LAMB2: variants seen among roughly 807,000 people sequenced by gnomAD.
LAMB2 encodes the protein laminin subunit beta-2.
Under a neutral mutation model 202.7 loss-of-function variants are expected in LAMB2, and 119 were observed. The ratio of observed to expected loss-of-function variants is 0.59; its 90% confidence interval spans 0.51 to 0.68. The LOEUF is 0.68. Among genes scored for constraint, LAMB2 ranks in the 30% least tolerant of loss-of-function variants. The pLI is 0.00. For missense variants in LAMB2, 2,124 were observed against 2,410.6 expected, an observed-to-expected ratio of 0.88 and a Z score of 2.49; for synonymous variants, 818 against 902.2, an observed-to-expected ratio of 0.91 and a Z score of 1.67.
rs370034592 is a variant in LAMB2 at position 49,125,242 on chromosome 3, T to C, written c.2720+11A>G. 3.3e-5 allele frequency: 53 copies of C among 1,613,622 alleles called. No individual in the cohort carries two copies. In the African/African-American group the frequency reaches 5.3e-4, roughly 16 times the overall value. On this transcript the variant is annotated intron_variant, in intron 19 of 31. Coordinates refer to ENST00000305544, the MANE Select transcript of LAMB2 (RefSeq NM_002292.4). ...CACCAACCAACCCACTCATAGCTGC[T>C]CCAGTCTCACCTTTCACAGTGCTCA...
At position 49,123,050 on chromosome 3, in the gene LAMB2, C is replaced by G; in HGVS notation, c.4227G>C (p.Val1409=). 1 of 1,607,078 alleles carries G rather than the reference C, an allele frequency of 6.2e-7. No individual in the cohort carries two copies. The highest frequency in any genetic ancestry group is 1.7e-5 in the Admixed American group (1 of 60,030). ...AGGGTGCATCCCCTGGTGCCCCACA[C>G]ACCTGCCAGGCACAGAACAAGTCAG... The part of the protein sequence containing the change: ...TLSLTDINEL[V]CGAPGDAPCA... Residue 1409 remains valine, a splice_region_variant and synonymous_variant, in exon 27 of 32, where the codon GTG becomes GTC. Coordinates refer to ENST00000305544, the MANE Select transcript of LAMB2 (RefSeq NM_002292.4).
At position 49,122,880 on chromosome 3, in the gene LAMB2, G is replaced by T; in HGVS notation, c.4397C>A (p.Ala1466Glu). 2 of 1,610,490 alleles carry T rather than the reference G, an allele frequency of 1.2e-6. No homozygotes were observed. The change falls in exon 27 of 32, where the codon GCA (alanine) becomes GAA (glutamate). Residue 1466 changes from alanine (A) to glutamate (E), a missense_variant. This residue lies in a region of LAMB2 where 1,702 missense variants were observed against 1,896.3 expected (regional missense o/e 0.90). Coordinates refer to ENST00000305544, the MANE Select transcript of LAMB2 (RefSeq NM_002292.4). ...GAGGATGCTACCACCTTCTGCCAGTGCCCGCTGCAGCTCTGCCTGTGTGTG... is the reference window on the plus strand; with the variant it reads ...GAGGATGCTACCACCTTCTGCCAGTTCCCGCTGCAGCTCTGCCTGTGTGTG... ...ARHTQAELQR[A>E]LAEGGSILSR...
chr3:49,132,329 T>C lies in LAMB2; in HGVS notation c.326A>G (p.Gln109Arg), dbSNP rs1426807512. The C allele has an allele frequency of 3.1e-6, 5 of 1,614,244 alleles. No homozygotes were observed. The highest frequency in any genetic ancestry group is 4.2e-6 in the Non-Finnish European group (5 of 1,180,046). ...ARDNPHSHRIQNVVTSFAPQR... is the reference protein window; with the variant it reads ...ARDNPHSHRIRNVVTSFAPQR... ...TGGTGCAAAGCTGGTGACTACATTC[T>C]GGATGCGATGGCTGTGTGGGTTGTC... The change falls in exon 3 of 32, where the codon CAG becomes CGG. Residue 109 changes from glutamine (Q) to arginine (R), a missense_variant. Physicochemically the swap from Gln to Arg is conservative, Grantham distance 43 (BLOSUM62 1). This residue lies in a region of LAMB2 where 166 missense variants were observed against 158.2 expected (regional missense o/e 1.05). Coordinates refer to ENST00000305544, the MANE Select transcript of LAMB2 (RefSeq NM_002292.4). The surrounding 1 kb of genome is among the most constrained non-coding windows in gnomAD (Gnocchi z 4.6).
intron 18 of LAMB2, 108 bp downstream of exon 18, chr3:49,125,639 G>A: frequency 6.7e-7 from 1 of 1,485,306 alleles, no homozygotes; most frequent in African/African-American, 1.4e-5. Flanking sequence ...GAGAGTAGAG[G>A]GTCCAAGACT....
rs886058671 is a variant in LAMB2 at position 49,123,345 on chromosome 3, A to G, written c.4011T>C (p.His1337=). The change falls in exon 26 of 32, where the codon CAT becomes CAC. Residue 1337 remains histidine, a synonymous_variant. Coordinates refer to ENST00000305544, the MANE Select transcript of LAMB2 (RefSeq NM_002292.4). The part of the protein sequence containing the change: ...LGAYDSIRHA[H]SQSAEAERRA... ...GACGTTCTGCCTCTGCAGACTGGCT[A>G]TGGGCATGCCGGATGCTGTCATAGG... The G allele has an allele frequency of 6.8e-6, 11 of 1,614,036 alleles. No individual in the cohort carries two copies. The highest frequency in any genetic ancestry group is 1.3e-5 in the African/African-American group (1 of 75,060).
chr3:49,124,962 C>T (rs1429675114), intron 20 of LAMB2, 37 bp from the exon 21 acceptor site: 2 of 1,613,906 alleles, frequency 1.2e-6, no homozygotes, highest in Non-Finnish European at 1.7e-6. Context: ...AGTGCTCAGC[C>T]CAGCCAACTC....
At position 49,128,744 on chromosome 3, in the gene LAMB2, G is replaced by C; in HGVS notation, c.1807C>G (p.Gln603Glu). 1 of 1,614,154 alleles carries C rather than the reference G, an allele frequency of 6.2e-7. No individual in the cohort carries two copies. Among genetic ancestry groups the C allele is most frequent in the Non-Finnish European group, 8.5e-7 (1 of 1,180,026 alleles). The change falls in exon 14 of 32, where the codon CAG becomes GAG. Residue 603 changes from glutamine (Q) to glutamate (E), a missense_variant. Coordinates refer to ENST00000305544, the MANE Select transcript of LAMB2 (RefSeq NM_002292.4). ...AGGAACTCCAGGGTCTGACCTTCCT[G>C]TAGCCGCACGAAGCCTGAGCCAGTC... ...SWTGSGFVRL[Q>E]EGQTLEFLVA... is the part of the protein sequence containing the mutation.
In LAMB2 at chr3:49,129,743, T is replaced by C. The variant is rs968316345; in HGVS notation, c.1406-27A>G. ...TGCAGGGAAGGAGAACCATCAGCACTTTGGGAAACTGTGGCAGTGCTCATG... is the reference window on the plus strand; with the variant it reads ...TGCAGGGAAGGAGAACCATCAGCACCTTGGGAAACTGTGGCAGTGCTCATG... On this transcript the variant is annotated intron_variant, in intron 10 of 31. Transcript: ENST00000305544. This position sits in a 1 kb window ranked among gnomAD's most constrained non-coding sequence, Gnocchi z 6.1. 1 of 1,611,228 alleles carries C rather than the reference T, an allele frequency of 6.2e-7. No homozygotes were observed. Among genetic ancestry groups the C allele is most frequent in the African/African-American group, 1.3e-5 (1 of 74,976 alleles).
chr3:49,130,643 C>G lies in LAMB2; in HGVS notation c.1036+97G>C, dbSNP rs2045470400. The G allele has an allele frequency of 6.3e-7, 1 of 1,578,192 alleles. No homozygotes were observed. On this transcript the variant is annotated intron_variant, in intron 8 of 31. Coordinates refer to ENST00000305544, the MANE Select transcript of LAMB2 (RefSeq NM_002292.4). The surrounding 1 kb of genome is among the most constrained non-coding windows in gnomAD (Gnocchi z 5.0). ...GGTCTGCATACTCTTTGGATACAGC[C>G]TGGGTTTTAGGGGCTTGACCAACTA...
In LAMB2 at chr3:49,129,297, G is replaced by A; in HGVS notation, c.1546C>T (p.Leu516=). 3 of 1,613,448 alleles carry A rather than the reference G, an allele frequency of 1.9e-6. No homozygotes were observed. The highest frequency in any genetic ancestry group is 2.5e-6 in the Non-Finnish European group (3 of 1,179,790). Reference sequence around the variant, plus strand: ...CAGTCACAGGGGCGGCAGCCGAGCAGGTCGTGGCTCAGGCCCCAGTGGCCA... The same window carrying A: ...CAGTCACAGGGGCGGCAGCCGAGCAAGTCGTGGCTCAGGCCCCAGTGGCCA... The part of the protein sequence containing the change: ...LPGHWGLSHD[L]LGCRPCDCDV... The change falls in exon 12 of 32, where the codon CTG becomes TTG. Residue 516 remains leucine (L), a synonymous_variant. Transcript: ENST00000305544. The surrounding 1 kb of genome is among the most constrained non-coding windows in gnomAD (Gnocchi z 6.1).
Position 49,129,266 on chromosome 3 carries a change from A to T in LAMB2, c.1577T>A (p.Val526Glu). 1 of 1,613,828 alleles carries T rather than the reference A, an allele frequency of 6.2e-7. No homozygotes were observed. Among genetic ancestry groups the T allele is most frequent in the Non-Finnish European group, 8.5e-7 (1 of 1,179,870 alleles). Reference protein sequence around the residue: ...LLGCRPCDCDVGGALDPQCDE... With the variant: ...LLGCRPCDCDEGGALDPQCDE... ...TTACTGGGGATCCAAAGCACCACCC[A>T]CGTCGCAGTCACAGGGGCGGCAGCC... The change falls in exon 12 of 32, where the codon GTG (valine) becomes GAG (glutamate). Residue 526 changes from valine to glutamate, a missense_variant. Around this residue, in one of 3 missense-constraint regions of LAMB2, gnomAD observed 1,702 missense variants for 1,896.3 expected, o/e 0.90. Transcript: ENST00000305544. The surrounding 1 kb of genome is among the most constrained non-coding windows in gnomAD (Gnocchi z 6.1).
Position 49,122,718 on chromosome 3 carries a change from T to C in LAMB2, c.4559A>G (p.Lys1520Arg), listed in dbSNP as rs148069401. The C allele has an allele frequency of 2.2e-4, 349 of 1,613,932 alleles. No homozygotes were observed. The highest frequency in any genetic ancestry group is 2.9e-4 in the Non-Finnish European group (340 of 1,179,934). Residue 1520 changes from lysine (K) to arginine (R), a missense_variant, in exon 27 of 32, where the codon AAG becomes AGG. Lys to Arg is a conservative substitution (Grantham distance 26). This residue lies in a region of LAMB2 where 1,702 missense variants were observed against 1,896.3 expected (regional missense o/e 0.90). Transcript: ENST00000305544. The stretch of plus-strand genomic sequence containing the variant: ...GGGAGGCTCACGGTTGAGGAAGTCC[T>C]TCACACTCTGGATAAGTTCTTGAAG... ...QELQELIQSV[K>R]DFLNQEGADP...
rs146994050 is a variant in LAMB2 at position 49,123,007 on chromosome 3, C to A, written c.4270G>T (p.Gly1424Trp). The change falls in exon 27 of 32, where the codon GGG (glycine) becomes TGG (tryptophan). Residue 1424 changes from glycine (G) to tryptophan (W), a missense_variant. By Grantham distance (184) the Gly-to-Trp change is radical (BLOSUM62 -2). Coordinates refer to ENST00000305544, the MANE Select transcript of LAMB2 (RefSeq NM_002292.4). Reference sequence around the variant, plus strand: ...TCCTCATCTCGACAGCCGGCACCCCCACAAGGGCTTGTAGCACAGGGTGCA... The same window carrying A: ...TCCTCATCTCGACAGCCGGCACCCCAACAAGGGCTTGTAGCACAGGGTGCA... ...GDAPCATSPC[G>W]GAGCRDEDGQ... 19 of 1,608,688 alleles carry A rather than the reference C, an allele frequency of 1.2e-5. No individual in the cohort carries two copies. The highest frequency in any genetic ancestry group is 2.7e-5 in the African/African-American group (2 of 74,932).
chr3:49,128,553 A>C lies in LAMB2; in HGVS notation c.1923T>G (p.Ile641Met), dbSNP rs2045445522. Residue 641 changes from isoleucine (I) to methionine (M), a missense_variant, in exon 15 of 32, where the codon ATT becomes ATG. Around this residue, in one of 3 missense-constraint regions of LAMB2, gnomAD observed 1,702 missense variants for 1,896.3 expected, o/e 0.90. Coordinates refer to ENST00000305544, the MANE Select transcript of LAMB2 (RefSeq NM_002292.4). ...VPEQWAELEL[I>M]VQRPGPVPAH... ...CAGGCACAGGCCCTGGACGCTGCAC[A>C]ATCAGTTCCAACTCTGCCCATTGCT... 3 of 1,614,098 alleles carry C rather than the reference A, an allele frequency of 1.9e-6. No homozygotes were observed. Among genetic ancestry groups the C allele is most frequent in the Non-Finnish European group, 1.7e-6 (2 of 1,180,038 alleles).
Position 49,129,004 on chromosome 3 carries a change from G to C in LAMB2, c.1731+16C>G. ...CCACCCACATCCAGCCCTCTGCTTA[G>C]GGGGAGGCCCCACACCTGCCCTCGG... On this transcript the variant is annotated intron_variant, in intron 13 of 31. Transcript: ENST00000305544. This position sits in a 1 kb window ranked among gnomAD's most constrained non-coding sequence, Gnocchi z 6.1. 1 of 1,606,326 alleles carries C rather than the reference G, an allele frequency of 6.2e-7. No individual in the cohort carries two copies. Among genetic ancestry groups the C allele is most frequent in the Non-Finnish European group, 8.5e-7 (1 of 1,179,964 alleles).
rs376203869 is a variant in LAMB2, at chr3:49,132,780, A to G, written c.76+12T>C. The G allele has an allele frequency of 1.9e-6, 3 of 1,613,786 alleles. No individual in the cohort carries two copies. The highest frequency in any genetic ancestry group is 2.5e-6 in the Non-Finnish European group (3 of 1,179,878). On this transcript the variant is annotated intron_variant, in intron 1 of 31. Transcript: ENST00000305544. This position sits in a 1 kb window ranked among gnomAD's most constrained non-coding sequence, Gnocchi z 4.6. ...CATTCCACAACCCCCAGCCCCCACC[A>G]GGCCCTCTCACCGCTTAGCAGTAGG...
At chr3:49,121,618 C>T (rs199639020) in intron 30 of LAMB2, 26 bp from the exon 31 acceptor site, 12 of 1,613,994 alleles carry the variant, frequency 7.4e-6, no homozygotes, top group East Asian at 2.2e-5. Context: ...GTTAGGTTAG[C>T]GTGGTAGCTC....
Position 49,128,660 on chromosome 3 carries a change from C to G in LAMB2, c.1890+1G>C. ...CCCCAGATTAGATAACAGGGTCTAACCTGGGGCTCTAAGCGCAGCAGCAGG... is the reference window on the plus strand; with the variant it reads ...CCCCAGATTAGATAACAGGGTCTAAGCTGGGGCTCTAAGCGCAGCAGCAGG... On this transcript the variant is annotated splice_donor_variant, in intron 14 of 31. Transcript: ENST00000305544. LOFTEE classifies it high-confidence loss of function. 1 of 1,614,174 alleles carries G rather than the reference C, an allele frequency of 6.2e-7. No homozygotes were observed. Among genetic ancestry groups the G allele is most frequent in the African/African-American group, 1.3e-5 (1 of 75,050 alleles).
In LAMB2 at chr3:49,131,482, C is replaced by T. The variant is rs377732561; in HGVS notation, c.649-40G>A. 74 of 1,613,686 alleles carry T rather than the reference C, an allele frequency of 4.6e-5. No individual in the cohort carries two copies. The highest frequency in any genetic ancestry group is 6.0e-5 in the Non-Finnish European group (71 of 1,179,788). The stretch of plus-strand genomic sequence containing the variant: ...AGTTCATAGTCACACTGGACCTTGC[C>T]TCAGGCCCATCATCCCCAGCTTCCA... On this transcript the variant is annotated intron_variant, in intron 5 of 31. Transcript: ENST00000305544. The surrounding 1 kb of genome is among the most constrained non-coding windows in gnomAD (Gnocchi z 5.0).
Sources: allele counts gnomAD v4.1 joint callset, GRCh38; gene constraint gnomAD v4.1.1; regional missense constraint gnomAD v4.1.1; non-coding constraint Gnocchi (gnomAD v3.1); transcripts MANE v1.5; gene names NCBI Gene and HGNC (gene_info 2026-07-23, HGNC 2026-07-21).